CNTN1: variants seen among roughly 807,000 people sequenced by gnomAD.
CNTN1 encodes the protein contactin 1.
A neutral mutation model predicts 126.4 loss-of-function variants in CNTN1; 38 were observed. That is an observed-to-expected ratio of 0.30 (90% CI 0.23 to 0.39). The LOEUF is 0.39. Ranked by LOEUF, CNTN1 falls within the 10% of genes least tolerant of loss-of-function variation. CNTN1 has a pLI of 1.00. For synonymous variants in CNTN1, 413 were observed against 422.6 expected (o/e 0.98, Z 0.28); for missense variants, 1,009 against 1,248.4 (o/e 0.81, Z 2.89).
intron 17 of CNTN1, chr12:41,005,249 A>G (rs1948460845): frequency 6.6e-6 from 1 of 152,162 alleles, no homozygotes. Flanking sequence ...AGAATGTTGA[A>G]TATTGGCCCC....
At chr12:40,919,155 T>A (rs1323348402) in intron 4 of CNTN1, among the ~76,000 whole-genome samples, 1 of 152,152 alleles carries the variant, frequency 6.6e-6, no homozygotes, top group African/African-American at 2.4e-5. Context: ...CCTACAGATA[T>A]GGATAAATTT....
chr12:40,882,095 G>T (rs1406132006), intron 1 of CNTN1, among the ~76,000 whole-genome samples: 3 of 151,742 alleles, frequency 2.0e-5, no homozygotes, highest in African/African-American at 7.2e-5. Context: ...TACAGGGACT[G>T]ATAGGCAGAA....
chr12:40,971,361 C>T (rs1947503191), intron 15 of CNTN1: 2 of 1,317,090 alleles, frequency 1.5e-6, no homozygotes, highest in Non-Finnish European at 2.1e-6. Context: ...GGGCAAATCC[C>T]CCAAGTGCAT....
At chr12:40,837,818 T>G (rs1201472187) in intron 1 of CNTN1, among the ~76,000 whole-genome samples, 2 of 152,118 alleles carry the variant, frequency 1.3e-5, no homozygotes, top group Non-Finnish European at 1.5e-5. Context: ...AGGATGCAAG[T>G]TGACACTGAG....
chr12:40,998,647 T>C (rs1258865462), intron 17 of CNTN1, among the ~76,000 whole-genome samples: 1 of 152,072 alleles, frequency 6.6e-6, no homozygotes, highest in African/African-American at 2.4e-5. Context: ...GTTCATTTGA[T>C]TTTTTTGATA....
chr12:40,771,984 G>A (rs543960239), intron 1 of CNTN1, among the ~76,000 whole-genome samples: 1 of 151,998 alleles, frequency 6.6e-6, no homozygotes, highest in Admixed American at 6.6e-5. Context: ...CAGGGCTCCT[G>A]GCTCCTTAGA....
intron 1 of CNTN1, among the ~76,000 whole-genome samples, chr12:40,752,633 T>C (rs1565686513): frequency 6.6e-6 from 1 of 152,122 alleles, no homozygotes; most frequent in Non-Finnish European, 1.5e-5. Context: ...TACGGTATAG[T>C]ATATTGTTTA....
At chr12:40,707,280 G>T (rs1424507165) in intron 1 of CNTN1, among the ~76,000 whole-genome samples, 1 of 122,310 alleles carries the variant, frequency 8.2e-6, no homozygotes, top group Non-Finnish European at 1.6e-5. Context: ...ACGGAGTCTC[G>T]CTCCATCGCC....
At chr12:40,911,167 A>C (rs4768321) in intron 3 of CNTN1, among the ~76,000 whole-genome samples, 3 of 151,724 alleles carry the variant, frequency 2.0e-5, no homozygotes, top group Non-Finnish European at 4.4e-5. Flanking sequence ...TGCAAGCTCC[A>C]CCTCCGGGAT....
intron 17 of CNTN1, among the ~76,000 whole-genome samples, chr12:41,011,112 C>G (rs1337318905): frequency 6.6e-6 from 1 of 152,154 alleles, no homozygotes; most frequent in Non-Finnish European, 1.5e-5. Flanking sequence ...GTTCTATATA[C>G]CTATCAGGAT....
Position 41,027,862 on chromosome 12 carries a change from A to G in CNTN1, c.2716A>G (p.Ser906Gly). The G allele has an allele frequency of 3.1e-6, 5 of 1,609,556 alleles. No individual in the cohort carries two copies. The highest frequency in any genetic ancestry group is 4.3e-6 in the Non-Finnish European group (5 of 1,175,940). ...CATATTACTACTTTTCACAGCTCCTAGCCAGCCTCCAAGGATCATCAGTTC... is the reference window on the plus strand; with the variant it reads ...CATATTACTACTTTTCACAGCTCCTGGCCAGCCTCCAAGGATCATCAGTTC... ...IEAFTKKAPP[S>G]QPPRIISSVR... Residue 906 changes from serine to glycine, a missense_variant, in exon 22 of 24, where the codon AGC becomes GGC. Transcript: ENST00000551295.
intron 1 of CNTN1, among the ~76,000 whole-genome samples, chr12:40,878,004 T>A (rs1011339599): frequency 2.2e-5 from 2 of 91,040 alleles, no homozygotes; most frequent in Admixed American, 1.9e-4. Flanking sequence ...TTTTTTTTTT[T>A]TTTTTTTTTT....
At chr12:41,000,465 C>A (rs976183127) in intron 17 of CNTN1, among the ~76,000 whole-genome samples, 1 of 152,028 alleles carries the variant, frequency 6.6e-6, no homozygotes, top group Admixed American at 6.6e-5. Context: ...TACTCCAGCT[C>A]TTAATATATA....
chr12:41,053,425 CTAAATATATATATATATATATATA>C (rs1355662432), intron 23 of CNTN1, among the ~76,000 whole-genome samples: 1 of 35,856 alleles, frequency 2.8e-5, no homozygotes, highest in African/African-American at 1.9e-4. Context: ...CATGTTTTCA[CTAAATATATATATATATATATATA>C]TATATATATA....
At chr12:40,958,393 AT>A (rs1039528115) in intron 14 of CNTN1, among the ~76,000 whole-genome samples, 2 of 150,478 alleles carry the variant, frequency 1.3e-5, no homozygotes, top group African/African-American at 4.9e-5. Context: ...GTATGTATGT[AT>A]GTATATACTT....
chr12:40,862,236 C>T (rs1005317425), intron 1 of CNTN1, among the ~76,000 whole-genome samples: 2 of 151,480 alleles, frequency 1.3e-5, no homozygotes, highest in Admixed American at 6.6e-5. Flanking sequence ...CACACACACA[C>T]GAAATATTTT....
chr12:40,874,959 G>A (rs1592190908), intron 1 of CNTN1, among the ~76,000 whole-genome samples: 1 of 152,110 alleles, frequency 6.6e-6, no homozygotes, highest in Non-Finnish European at 1.5e-5. Context: ...GGTACATGGT[G>A]TTCCTGGAAA....
Position 41,035,719 on chromosome 12 carries a change from T to C in CNTN1, c.2980+6500T>C, listed in dbSNP as rs569560265. Among the ~76,000 whole-genome samples, 8 of 152,206 alleles carry C rather than the reference T, an allele frequency of 5.3e-5. No individual in the cohort carries two copies. The South Asian group carries it at 1.7e-3, about 32-fold the overall frequency. On this transcript the variant is annotated intron_variant, in intron 23 of 23. Coordinates refer to ENST00000551295, the MANE Select transcript of CNTN1 (RefSeq NM_001843.4). ...AGGCTGAAATCTAAAGGACAGGAAC[T>C]AGCCATATGACAAAAGTGTGGGTAA... is the stretch of plus-strand genomic sequence containing the variant.
chr12:40,838,851 T>A (rs1225613891), intron 1 of CNTN1, among the ~76,000 whole-genome samples: 1 of 148,618 alleles, frequency 6.7e-6, no homozygotes, highest in Non-Finnish European at 1.5e-5. Flanking sequence ...CAAGGATACA[T>A]GAAGCATGAA....
Sources: allele counts gnomAD v4.1 joint callset (sites outside exome capture counted in the v4.1 genomes callset), GRCh38; gene constraint gnomAD v4.1.1; transcripts MANE v1.5; gene names NCBI Gene and HGNC (gene_info 2026-07-23, HGNC 2026-07-21).